KIF13B: variants seen among roughly 807,000 people sequenced by gnomAD.
KIF13B encodes kinesin-like protein KIF13B.
In KIF13B, 127 loss-of-function variants were observed where a neutral mutation model predicts 222.0. That is an observed-to-expected ratio of 0.57 (90% CI 0.50 to 0.66). The LOEUF is 0.66. KIF13B is among the 30% of genes least tolerant of loss of function. The probability of loss-of-function intolerance (pLI) is 0.00; values close to 1 mark genes in which losing one functional copy is unlikely to be tolerated. For missense variants in KIF13B, 2,173 were observed against 2,379.0 expected, an observed-to-expected ratio of 0.91 and a Z score of 1.80; for synonymous variants, 976 against 919.0, an observed-to-expected ratio of 1.06 and a Z score of -1.12.
At chr8:29,220,146 CT>C (rs1157576182) in intron 2 of KIF13B, among the ~76,000 whole-genome samples, 1 of 152,166 alleles carries the variant, frequency 6.6e-6, no homozygotes, top group African/African-American at 2.4e-5. Flanking sequence ...TTTAACCCCC[CT>C]GTACACAACT....
At chr8:29,087,814 G>A (rs1444275279) in intron 37 of KIF13B, among the ~76,000 whole-genome samples, 1 of 152,016 alleles carries the variant, frequency 6.6e-6, no homozygotes, top group African/African-American at 2.4e-5. Flanking sequence ...CTGTTAAGAT[G>A]GGGGAGGTCT....
At chr8:29,179,443 G>A (rs922083342) in intron 8 of KIF13B, among the ~76,000 whole-genome samples, 40 of 152,220 alleles carry the variant, frequency 2.6e-4, no homozygotes, top group Non-Finnish European at 4.1e-4. Context: ...ATTGGCTCAC[G>A]CAGTTAGCCG....
At chr8:29,113,222 C>T (rs553289556) in intron 32 of KIF13B, among the ~76,000 whole-genome samples, 2 of 152,160 alleles carry the variant, frequency 1.3e-5, no homozygotes, top group African/African-American at 4.8e-5. Context: ...TCACCTTCTG[C>T]GTAAGAAGGT....
At chr8:29,088,840 C>A (rs996199373) in intron 37 of KIF13B, among the ~76,000 whole-genome samples, 1 of 152,240 alleles carries the variant, frequency 6.6e-6, no homozygotes, top group East Asian at 1.9e-4. Flanking sequence ...GAAGTGTGAC[C>A]CAAGTAAGAA....
rs1185500285 is a variant in KIF13B, at chr8:29,148,584, G to T, written c.1806C>A (p.Gly602=). Residue 602 remains glycine (G), a synonymous_variant, in exon 16 of 40, where the codon GGC becomes GGA. Transcript: ENST00000524189. ...CACGCCCGACTTGCTCACCATTGCT[G>T]CCCAGGGCCTTCATGGTGACCTCCA... ...AQMEVTMKAL[G]SNDPMQSILN... The T allele has an allele frequency of 1.2e-6, 2 of 1,601,956 alleles. No individual in the cohort carries two copies. The highest frequency in any genetic ancestry group is 3.5e-5 in the Admixed American group (2 of 57,882).
At chr8:29,206,660 C>T (rs186027768) in intron 2 of KIF13B, among the ~76,000 whole-genome samples, 20 of 152,292 alleles carry the variant, frequency 1.3e-4, no homozygotes, top group African/African-American at 3.9e-4. Context: ...CAAATATTTA[C>T]AGTCTGCCGT....
rs1318016009 is a variant in KIF13B, at chr8:29,197,348, A to C, written c.150-1149T>G. Among the ~76,000 whole-genome samples the C allele has an allele frequency of 7.4e-5, 11 of 149,602 alleles. No individual in the cohort carries two copies. In the South Asian group the frequency reaches 2.3e-3, roughly 32 times the overall value. ...CGAGACTCCGTCTCAAAAAAAAAAA[A>C]AAAAAAAAAAAAACTCAATATATAC... is the stretch of plus-strand genomic sequence containing the variant. On this transcript the variant is annotated intron_variant, in intron 2 of 39. Coordinates refer to ENST00000524189, the MANE Select transcript of KIF13B (RefSeq NM_015254.4).
At chr8:29,161,333 C>G (rs1294841856) in intron 12 of KIF13B, among the ~76,000 whole-genome samples, 1 of 152,200 alleles carries the variant, frequency 6.6e-6, no homozygotes, top group Non-Finnish European at 1.5e-5. Context: ...GGCCTGCTTC[C>G]CCTCTGGCTT....
intron 2 of KIF13B, among the ~76,000 whole-genome samples, chr8:29,218,698 GC>G (rs1204769110): frequency 4.6e-5 from 7 of 152,306 alleles, no homozygotes; most frequent in African/African-American, 1.7e-4. Context: ...AAAACAAAAA[GC>G]TGTTAAGAGA....
At chr8:29,151,399 C>G (rs745647582) in intron 14 of KIF13B, among the ~76,000 whole-genome samples, 12 of 152,172 alleles carry the variant, frequency 7.9e-5, no homozygotes, top group Admixed American at 2.0e-4. Flanking sequence ...GTAGATGAAA[C>G]AGACTTCTAC....
intron 1 of KIF13B, among the ~76,000 whole-genome samples, chr8:29,255,129 G>A (rs1816428671): frequency 6.6e-6 from 1 of 152,210 alleles, no homozygotes; most frequent in Non-Finnish European, 1.5e-5. Context: ...GCCAGGGGCT[G>A]GGAAGTGGGA....
At chr8:29,131,631 T>A (rs529029644) in intron 23 of KIF13B, among the ~76,000 whole-genome samples, 1 of 152,338 alleles carries the variant, frequency 6.6e-6, no homozygotes, top group African/African-American at 2.4e-5. Flanking sequence ...CCTACCTCTT[T>A]CCAACACTGA....
chr8:29,239,726 G>T (rs185818347), intron 2 of KIF13B, among the ~76,000 whole-genome samples: 1 of 152,132 alleles, frequency 6.6e-6, no homozygotes, highest in African/African-American at 2.4e-5. Flanking sequence ...GCGGTGGCAC[G>T]ATCTTGGCTA....
chr8:29,253,727 G>A (rs1816364083), intron 1 of KIF13B, among the ~76,000 whole-genome samples: 1 of 151,290 alleles, frequency 6.6e-6, no homozygotes, highest in Non-Finnish European at 1.5e-5. Context: ...AAACTCAGGA[G>A]GCTGAGAAAG....
intron 2 of KIF13B, among the ~76,000 whole-genome samples, chr8:29,241,487 C>T (rs526979): frequency 6.6e-6 from 1 of 152,220 alleles, no homozygotes. Flanking sequence ...AAATTGGGGT[C>T]TGAGGACTCT....
chr8:29,205,217 C>T (rs1011120578), intron 2 of KIF13B, among the ~76,000 whole-genome samples: 1 of 152,034 alleles, frequency 6.6e-6, no homozygotes, highest in Admixed American at 6.6e-5. Flanking sequence ...AAAAGGTCCA[C>T]AAGCATTTTG....
intron 2 of KIF13B, among the ~76,000 whole-genome samples, chr8:29,202,852 C>A (rs142113831): frequency 1.3e-3 from 194 of 152,134 alleles, no homozygotes; most frequent in African/African-American, 4.2e-3. Context: ...AACTCAGCTA[C>A]GTCACTCCCC....
At chr8:29,111,179 A>G (rs1392163323) in intron 32 of KIF13B, among the ~76,000 whole-genome samples, 1 of 152,272 alleles carries the variant, frequency 6.6e-6, no homozygotes, top group African/African-American at 2.4e-5. Context: ...CCTAGATGAC[A>G]AGAGGAAGAC....
chr8:29,160,072 T>C (rs560009919), intron 13 of KIF13B, among the ~76,000 whole-genome samples: 2 of 152,262 alleles, frequency 1.3e-5, no homozygotes, highest in South Asian at 4.2e-4. Flanking sequence ...ACACAGCCCA[T>C]TCTGGGCACT....
Sources: allele counts gnomAD v4.1 joint callset (sites outside exome capture counted in the v4.1 genomes callset), GRCh38; gene constraint gnomAD v4.1.1; transcripts MANE v1.5; gene names NCBI Gene and HGNC (gene_info 2026-07-23, HGNC 2026-07-21).